Variants in MDGA2 observed in about 807,000 individuals in gnomAD.
MDGA2 encodes the protein MAM domain containing glycosylphosphatidylinositol anchor 2, also known as MAM domain-containing glycosylphosphatidylinositol anchor protein 2.
Under a neutral mutation model 117.8 loss-of-function variants are expected in MDGA2, and 40 were observed. That is an observed-to-expected ratio of 0.34 (90% CI 0.26 to 0.44). The LOEUF (loss-of-function observed/expected upper bound fraction) is 0.44. Ranked by LOEUF, MDGA2 falls within the 20% of genes least tolerant of loss-of-function variation. The pLI, the probability that MDGA2 is intolerant of heterozygous loss-of-function variation, is 1.00. For missense variants in MDGA2, 1,123 were observed against 1,250.6 expected (o/e 0.90, Z 1.54); for synonymous variants, 452 against 439.0 (o/e 1.03, Z -0.37).
In MDGA2 at chr14:47,078,443, A is replaced by C. The variant is rs74047329; in HGVS notation, c.1196-16865T>G. ...GTCAAGCCGAGACAGCCTCCCATAA[A>C]AAACATGGAGCTAGAATCTCTCACA... On this transcript the variant is annotated intron_variant, in intron 6 of 16. Coordinates refer to ENST00000399232, the MANE Select transcript of MDGA2 (RefSeq NM_001113498.3). 8.7e-3 allele frequency among the ~76,000 whole-genome samples: 1,323 copies of C among 152,268 alleles called. 15 individuals carry two copies. The highest frequency in any genetic ancestry group is 0.031 in the African/African-American group (1,280 of 41,558).
chr14:47,210,820 A>C (rs1023579776), intron 3 of MDGA2, among the ~76,000 whole-genome samples: 2 of 152,072 alleles, frequency 1.3e-5, no homozygotes, highest in African/African-American at 4.8e-5. Context: ...GGCATTTGAG[A>C]CCAGCTTGAG....
intron 1 of MDGA2, among the ~76,000 whole-genome samples, chr14:47,508,941 C>T (rs1302365547): frequency 3.3e-5 from 5 of 152,144 alleles, no homozygotes; most frequent in Admixed American, 1.3e-4. Flanking sequence ...CCACCCGCCT[C>T]GGCCTCCCAA....
At chr14:47,450,033 G>A (rs1893207861) in intron 1 of MDGA2, among the ~76,000 whole-genome samples, 1 of 151,912 alleles carries the variant, frequency 6.6e-6, no homozygotes, top group African/African-American at 2.4e-5. Flanking sequence ...CATTTATTGT[G>A]CACGATGTTT....
Position 46,873,603 on chromosome 14 carries a change from C to T in MDGA2, c.2594-12G>A. The stretch of plus-strand genomic sequence containing the variant: ...GTACATATAAAAACCTTAAAACAGA[C>T]AAAATAAAGTGTTTAAACACATTAT... On this transcript the variant is annotated splice_polypyrimidine_tract_variant and intron_variant, in intron 13 of 16. Transcript: ENST00000399232. 4 of 1,606,022 alleles carry T rather than the reference C, an allele frequency of 2.5e-6. No homozygotes were observed. The South Asian group carries it at 4.4e-5, about 18-fold the overall frequency.
chr14:47,295,604 A>G (rs1889037530), intron 2 of MDGA2, among the ~76,000 whole-genome samples: 3 of 152,298 alleles, frequency 2.0e-5, no homozygotes, highest in South Asian at 2.1e-4. Flanking sequence ...GCTCATTTAT[A>G]TATCAAAATG....
chr14:47,659,840 C>T (rs1235166171), intron 1 of MDGA2, among the ~76,000 whole-genome samples: 3 of 152,180 alleles, frequency 2.0e-5, no homozygotes, highest in Non-Finnish European at 1.5e-5. Flanking sequence ...TTGGATTTGA[C>T]TCATCTTTTA....
chr14:46,874,841 C>T (rs77033570), intron 12 of MDGA2, among the ~76,000 whole-genome samples: 5,562 of 151,216 alleles, frequency 0.037, 350 homozygotes, highest in African/African-American at 0.13. Context: ...GGATGCCTAA[C>T]GTATGTTGAG....
chr14:47,134,711 T>C (rs955444469), intron 4 of MDGA2, among the ~76,000 whole-genome samples: 1 of 151,652 alleles, frequency 6.6e-6, no homozygotes, highest in Non-Finnish European at 1.5e-5. Flanking sequence ...TATATGATGA[T>C]ATAATGAAAC....
chr14:47,363,365 C>A (rs1891166312), intron 1 of MDGA2, among the ~76,000 whole-genome samples: 1 of 152,134 alleles, frequency 6.6e-6, no homozygotes, highest in African/African-American at 2.4e-5. Context: ...TCAAGCAATT[C>A]TCCTGCCTGA....
intron 3 of MDGA2, among the ~76,000 whole-genome samples, chr14:47,165,067 C>G (rs575584701): frequency 6.6e-6 from 1 of 151,890 alleles, no homozygotes; most frequent in Non-Finnish European, 1.5e-5. Flanking sequence ...CACCTGGACA[C>G]AGGAAGGGGA....
At chr14:47,241,371 A>G (rs1329367766) in intron 2 of MDGA2, among the ~76,000 whole-genome samples, 1 of 151,760 alleles carries the variant, frequency 6.6e-6, no homozygotes, top group Non-Finnish European at 1.5e-5. Context: ...GCCTCAGGCT[A>G]TTTTCATAGG....
chr14:47,076,557 G>A (rs940849580), intron 6 of MDGA2, among the ~76,000 whole-genome samples: 18 of 80,412 alleles, frequency 2.2e-4, no homozygotes, highest in African/African-American at 1.2e-3. Context: ...ATGAGTGTGT[G>A]TTATGTGTGT....
intron 1 of MDGA2, among the ~76,000 whole-genome samples, chr14:47,579,993 AT>A (rs1896198960): frequency 6.6e-6 from 1 of 152,068 alleles, no homozygotes; most frequent in South Asian, 2.1e-4. Context: ...AGGAATTATT[AT>A]TCTTATATTA....
At chr14:47,015,723 C>T (rs901058199) in intron 8 of MDGA2, among the ~76,000 whole-genome samples, 1 of 151,942 alleles carries the variant, frequency 6.6e-6, no homozygotes, top group African/African-American at 2.4e-5. Flanking sequence ...GTAAGCAAGA[C>T]CCAAGGAGTG....
At chr14:47,654,237 G>A (rs1897698044) in intron 1 of MDGA2, among the ~76,000 whole-genome samples, 1 of 152,064 alleles carries the variant, frequency 6.6e-6, no homozygotes, top group African/African-American at 2.4e-5. Flanking sequence ...TGCAAATTAG[G>A]AAAATAAAGA....
intron 1 of MDGA2, among the ~76,000 whole-genome samples, chr14:47,362,886 T>G (rs1055209037): frequency 1.3e-5 from 2 of 152,228 alleles, no homozygotes; most frequent in African/African-American, 4.8e-5. Flanking sequence ...CAGTAAAATC[T>G]CATTCCGTAG....
intron 1 of MDGA2, among the ~76,000 whole-genome samples, chr14:47,347,877 A>G (rs1027973328): frequency 6.6e-5 from 10 of 152,198 alleles, no homozygotes; most frequent in African/African-American, 2.2e-4. Context: ...GAAAAGTGCA[A>G]TGTTATAAAA....
intron 3 of MDGA2, among the ~76,000 whole-genome samples, chr14:47,148,574 C>T (rs1405409551): frequency 6.6e-6 from 1 of 152,164 alleles, no homozygotes; most frequent in African/African-American, 2.4e-5. Flanking sequence ...TACTGATATC[C>T]AGGTCAATCT....
intron 1 of MDGA2, among the ~76,000 whole-genome samples, chr14:47,639,192 TATAG>T (rs1190258183): frequency 1.3e-5 from 2 of 152,144 alleles, no homozygotes; most frequent in African/African-American, 4.8e-5. Context: ...AAGGTGTGTG[TATAG>T]ATATAGATAT....
Sources: gnomAD v4.1 joint callset for allele counts (sites outside exome capture counted in the v4.1 genomes callset) on GRCh38, gnomAD v4.1.1 for gene constraint, MANE v1.5 for transcripts, NCBI Gene and HGNC (gene_info 2026-07-23, HGNC 2026-07-21) for gene names.